CSMD1: variants seen among roughly 807,000 people sequenced by gnomAD.
CSMD1 encodes the protein CUB and sushi domain-containing protein 1.
Under a neutral mutation model 417.5 loss-of-function variants are expected in CSMD1, and 213 were observed. The observed-to-expected ratio is 0.51, with a 90% CI of 0.46 to 0.57. The LOEUF is 0.57. CSMD1 is among the 20% of genes least tolerant of loss of function. The probability of loss-of-function intolerance (pLI) is 0.00; values close to 1 mark genes in which losing one functional copy is unlikely to be tolerated. For missense variants in CSMD1, 6,923 were observed against 4,529.7 expected (o/e 1.53, Z -15.17); for synonymous variants, 2,862 against 1,736.8 (o/e 1.65, Z -16.11).
intron 10 of CSMD1, among the ~76,000 whole-genome samples, chr8:3,553,817 A>T (rs558196498): frequency 6.6e-6 from 1 of 152,372 alleles, no homozygotes; most frequent in East Asian, 1.9e-4. Context: ...CAGAATATTT[A>T]TAATATTTGT....
chr8:3,842,798 G>C (rs1009149037), intron 5 of CSMD1, among the ~76,000 whole-genome samples: 2 of 152,106 alleles, frequency 1.3e-5, no homozygotes, highest in Non-Finnish European at 1.5e-5. Flanking sequence ...TTAAAAAGTT[G>C]GAATGTCAGT....
At chr8:4,843,400 T>G (rs1437775512) in intron 1 of CSMD1, among the ~76,000 whole-genome samples, 1 of 151,928 alleles carries the variant, frequency 6.6e-6, no homozygotes, top group Non-Finnish European at 1.5e-5. Context: ...CTTCATTGTT[T>G]TCATGACTTT....
chr8:4,303,799 G>A (rs1382781139), intron 3 of CSMD1, among the ~76,000 whole-genome samples: 2 of 151,948 alleles, frequency 1.3e-5, no homozygotes, highest in Admixed American at 6.6e-5. Context: ...GGGACTACAG[G>A]CACACTCCAC....
chr8:2,988,445 T>A (rs144662481), intron 54 of CSMD1, among the ~76,000 whole-genome samples: 74 of 152,314 alleles, frequency 4.9e-4, no homozygotes, highest in African/African-American at 1.6e-3. Flanking sequence ...TGAAACGATG[T>A]GAGACCTGGT....
chr8:3,736,123 A>T lies in CSMD1; in HGVS notation c.931+17807T>A, dbSNP rs536672095. Among the ~76,000 whole-genome samples, 16 of 152,328 alleles carry T rather than the reference A, an allele frequency of 1.1e-4. No homozygotes were observed. In the South Asian group the frequency reaches 2.7e-3, roughly 26 times the overall value. On this transcript the variant is annotated intron_variant, in intron 6 of 69. Transcript: ENST00000635120. Reference sequence around the variant, plus strand: ...CTGTTGTATGCAGTTTACATACATTAAATCTTTTCAGTACTCATAAAACCC... The same window carrying T: ...CTGTTGTATGCAGTTTACATACATTTAATCTTTTCAGTACTCATAAAACCC...
chr8:4,931,034 C>G (rs1418881218), intron 1 of CSMD1, among the ~76,000 whole-genome samples: 1 of 152,148 alleles, frequency 6.6e-6, no homozygotes, highest in Non-Finnish European at 1.5e-5. Context: ...AAAAGGAAAT[C>G]TGCCCTTACA....
chr8:4,658,318 G>A (rs796852097), intron 1 of CSMD1, among the ~76,000 whole-genome samples: 9 of 152,082 alleles, frequency 5.9e-5, no homozygotes, highest in South Asian at 2.1e-4. Context: ...AATTTTGAAA[G>A]ACAAAAACAA....
At chr8:3,265,216 C>G (rs1026713010) in intron 26 of CSMD1, among the ~76,000 whole-genome samples, 4 of 152,072 alleles carry the variant, frequency 2.6e-5, no homozygotes, top group South Asian at 4.2e-4. Context: ...TAAGCACAGA[C>G]ACATAACGAA....
At chr8:4,527,791 A>G (rs1699021666) in intron 2 of CSMD1, among the ~76,000 whole-genome samples, 1 of 152,200 alleles carries the variant, frequency 6.6e-6, no homozygotes, top group South Asian at 2.1e-4. Flanking sequence ...TTACTGATGA[A>G]TCCTGGAAAG....
chr8:3,947,829 C>T (rs1165186821), intron 5 of CSMD1, among the ~76,000 whole-genome samples: 2 of 152,184 alleles, frequency 1.3e-5, no homozygotes, highest in African/African-American at 4.8e-5. Flanking sequence ...AAGTAGGTCA[C>T]ATTTGTTAAC....
At chr8:3,135,086 G>C (rs1166974706) in intron 41 of CSMD1, among the ~76,000 whole-genome samples, 1 of 152,048 alleles carries the variant, frequency 6.6e-6, no homozygotes, top group Non-Finnish European at 1.5e-5. Context: ...ACCACGCCCA[G>C]CTAATTTTTT....
chr8:3,221,889 G>C (rs548709387), intron 28 of CSMD1, among the ~76,000 whole-genome samples: 14 of 151,910 alleles, frequency 9.2e-5, no homozygotes, highest in African/African-American at 9.7e-5. Flanking sequence ...AGTAATGCCA[G>C]ACTCCCACCC....
intron 37 of CSMD1, among the ~76,000 whole-genome samples, chr8:3,179,141 T>C (rs552715245): frequency 1.3e-5 from 2 of 151,054 alleles, no homozygotes; most frequent in Non-Finnish European, 2.9e-5. Flanking sequence ...GATACGGGGT[T>C]TCAACGTGTT....
intron 26 of CSMD1, among the ~76,000 whole-genome samples, chr8:3,255,449 G>A (rs992762153): frequency 6.6e-6 from 1 of 152,218 alleles, no homozygotes; most frequent in Admixed American, 6.5e-5. Context: ...TTTGTTGTCT[G>A]TGCCCTGCCC....
At chr8:4,238,917 A>G (rs1382182925) in intron 3 of CSMD1, among the ~76,000 whole-genome samples, 1 of 152,180 alleles carries the variant, frequency 6.6e-6, no homozygotes, top group Non-Finnish European at 1.5e-5. Context: ...AAATTTATTA[A>G]TAGTTCTACA....
chr8:4,456,334 T>C (rs1269479937), intron 2 of CSMD1, among the ~76,000 whole-genome samples: 2 of 152,152 alleles, frequency 1.3e-5, no homozygotes, highest in Admixed American at 6.6e-5. Flanking sequence ...AAATTAGTCA[T>C]AGAGCAGGAA....
intron 3 of CSMD1, among the ~76,000 whole-genome samples, chr8:4,073,941 T>C (rs558146559): frequency 6.6e-6 from 1 of 152,122 alleles, no homozygotes. Flanking sequence ...TTTTTGACGG[T>C]TGCTTCTTTT....
intron 5 of CSMD1, among the ~76,000 whole-genome samples, chr8:3,837,678 T>A (rs1028287425): frequency 6.6e-6 from 1 of 152,172 alleles, no homozygotes; most frequent in East Asian, 1.9e-4. Flanking sequence ...CAGGGATGTC[T>A]GCTCTTGAGT....
chr8:3,817,252 C>CT (rs767668610), intron 5 of CSMD1, among the ~76,000 whole-genome samples: 1 of 54,420 alleles, frequency 1.8e-5, no homozygotes, highest in Non-Finnish European at 3.4e-5. Flanking sequence ...TCTTCTTCTT[C>CT]TTTTTTTTTT....
Sources: gnomAD v4.1 joint callset for allele counts (sites outside exome capture counted in the v4.1 genomes callset) on GRCh38, gnomAD v4.1.1 for gene constraint, MANE v1.5 for transcripts, NCBI Gene and HGNC (gene_info 2026-07-23, HGNC 2026-07-21) for gene names.